Variants in ARK2N observed in about 807,000 individuals in gnomAD.
ARK2N encodes protein ARK2N.
chr18:46,186,001 A>T, the ARK2N span, among the ~76,000 whole-genome samples: 1 of 152,094 alleles, frequency 6.6e-6, no homozygotes, highest in Admixed American at 6.6e-5. Context: ...GAATAAAAAT[A>T]AAAAAACAGG....
At chr18:46,247,800 T>C in the ARK2N span, among the ~76,000 whole-genome samples, 1 of 152,212 alleles carries the variant, frequency 6.6e-6, no homozygotes, top group African/African-American at 2.4e-5. Flanking sequence ...GCCTTCTGAG[T>C]AGCTGGGACT....
the ARK2N span, among the ~76,000 whole-genome samples, chr18:46,231,190 T>C: frequency 7.9e-5 from 12 of 152,238 alleles, no homozygotes; most frequent in Non-Finnish European, 4.4e-5. Context: ...CATGAAGTTT[T>C]ACTTTTTTAA....
chr18:46,245,364 G>A, the ARK2N span, among the ~76,000 whole-genome samples: 3 of 151,820 alleles, frequency 2.0e-5, no homozygotes, highest in Non-Finnish European at 2.9e-5. Context: ...TCAGGAGTTC[G>A]AGACCAGCCT....
the ARK2N span, among the ~76,000 whole-genome samples, chr18:46,184,220 G>C: frequency 6.6e-6 from 1 of 152,180 alleles, no homozygotes; most frequent in Admixed American, 6.5e-5. Context: ...TCGAACTCCT[G>C]ACCTCGTGAT....
chr18:46,194,371 C>T, the ARK2N span, among the ~76,000 whole-genome samples: 2 of 151,902 alleles, frequency 1.3e-5, no homozygotes, highest in African/African-American at 2.4e-5. Context: ...GAGGCCGAGG[C>T]GGATGGATCA....
At chr18:46,181,808 A>G in the ARK2N span, among the ~76,000 whole-genome samples, 12 of 152,276 alleles carry the variant, frequency 7.9e-5, no homozygotes, top group African/African-American at 2.2e-4. Context: ...GGGTCTTACT[A>G]TGTTGGCCAG....
At chr18:46,220,006 T>C in the ARK2N span, among the ~76,000 whole-genome samples, 1 of 152,196 alleles carries the variant, frequency 6.6e-6, no homozygotes, top group Non-Finnish European at 1.5e-5. Context: ...TGCATCGGTG[T>C]ACATGGTCAG....
At chr18:46,201,643 A>T in the ARK2N span, among the ~76,000 whole-genome samples, 1 of 152,096 alleles carries the variant, frequency 6.6e-6, no homozygotes, top group Non-Finnish European at 1.5e-5. Context: ...GCATTGACCT[A>T]CAAGTTTCTT....
At chr18:46,251,405 A>G in the ARK2N span, among the ~76,000 whole-genome samples, 5 of 152,152 alleles carry the variant, frequency 3.3e-5, no homozygotes, top group African/African-American at 1.2e-4. Context: ...GGTGAATGCC[A>G]CCTTTTGTAT....
chr18:46,256,632 A>G, the ARK2N span, among the ~76,000 whole-genome samples: 1 of 152,164 alleles, frequency 6.6e-6, no homozygotes, highest in Non-Finnish European at 1.5e-5. Context: ...TTTTATTCTT[A>G]CTTATTGGTT....
At chr18:46,213,522 T>C in the ARK2N span, among the ~76,000 whole-genome samples, 65,363 of 151,814 alleles carry the variant, frequency 0.43, 16,065 homozygotes, top group Middle Eastern at 0.56. Context: ...ACGGTCTCCG[T>C]TGGTTTAACT....
chr18:46,253,879 A>G, the ARK2N span: 1 of 1,519,374 alleles, frequency 6.6e-7, no homozygotes, highest in Non-Finnish European at 8.9e-7. Flanking sequence ...TATTTTAACC[A>G]GAAAACAAGT....
At chr18:46,192,923 G>A in the ARK2N span, among the ~76,000 whole-genome samples, 1 of 150,660 alleles carries the variant, frequency 6.6e-6, no homozygotes, top group Admixed American at 6.6e-5. Context: ...GGGGCCAGGT[G>A]CAGTGGCTCA....
the ARK2N span, among the ~76,000 whole-genome samples, chr18:46,180,464 T>C: frequency 6.6e-6 from 1 of 152,198 alleles, no homozygotes; most frequent in Non-Finnish European, 1.5e-5. Flanking sequence ...CCCAGCACTT[T>C]GGGAGGCCGA....
At chr18:46,232,220 T>C in the ARK2N span, 1 of 152,342 alleles carries the variant, frequency 6.6e-6, no homozygotes, top group Admixed American at 6.5e-5. Flanking sequence ...ACATGAATGT[T>C]ATAAGAAAGA....
chr18:46,181,034 G>T, the ARK2N span, among the ~76,000 whole-genome samples: 179 of 152,262 alleles, frequency 1.2e-3, no homozygotes, highest in African/African-American at 4.1e-3. Flanking sequence ...AGCCGAGGCA[G>T]GTGGATCACA....
the ARK2N span, among the ~76,000 whole-genome samples, chr18:46,236,132 AAGT>A: frequency 6.6e-6 from 1 of 152,232 alleles, no homozygotes; most frequent in East Asian, 1.9e-4. Context: ...TTTAAATAAA[AAGT>A]AGTTGGTAGA....
chr18:46,180,388 G>A, the ARK2N span, among the ~76,000 whole-genome samples: 1 of 152,312 alleles, frequency 6.6e-6, no homozygotes, highest in East Asian at 1.9e-4. Context: ...GCATTTACAT[G>A]CCAGGTGGTA....
At chr18:46,200,219 A>G in the ARK2N span, among the ~76,000 whole-genome samples, 1 of 152,230 alleles carries the variant, frequency 6.6e-6, no homozygotes, top group Non-Finnish European at 1.5e-5. Flanking sequence ...CAATTTTATC[A>G]GTTTATGGAA....
Sources: allele counts gnomAD v4.1 joint callset (sites outside exome capture counted in the v4.1 genomes callset), GRCh38; gene constraint gnomAD v4.1.1; transcripts MANE v1.5; gene names NCBI Gene and HGNC (gene_info 2026-07-23, HGNC 2026-07-21).